The following KIZ variants were observed in gnomAD, a reference collection of about 807,000 sequenced individuals.
KIZ encodes kizuna centrosomal protein, also known as centrosomal protein kizuna.
In KIZ, 68 loss-of-function variants were observed where a neutral mutation model predicts 79.6. That is an observed-to-expected ratio of 0.85 (90% CI 0.70 to 1.05). The LOEUF is 1.05. Ranked by LOEUF, KIZ falls within the 50% of genes least tolerant of loss-of-function variation. KIZ has a pLI of 0.00. For missense variants in KIZ, 797 were observed against 800.4 expected, an observed-to-expected ratio of 1.00 and a Z score of 0.05; for synonymous variants, 280 against 281.8, an observed-to-expected ratio of 0.99 and a Z score of 0.06.
At chr20:21,181,333 C>T (rs1048643863) in intron 6 of KIZ, among the ~76,000 whole-genome samples, 5 of 152,322 alleles carry the variant, frequency 3.3e-5, no homozygotes, top group Middle Eastern at 3.4e-3. Context: ...CTATTGTTAA[C>T]TCAGATTTTT....
chr20:21,236,954 TG>T (rs2037027529), intron 11 of KIZ, among the ~76,000 whole-genome samples: 1 of 146,108 alleles, frequency 6.8e-6, no homozygotes. Flanking sequence ...GAGCTGAAAT[TG>T]CACCAATGCA....
intron 9 of KIZ, 80 bp from the exon 10 acceptor site, chr20:21,228,931 A>C (rs1484681698): frequency 4.1e-5 from 27 of 660,890 alleles, no homozygotes; most frequent in Non-Finnish European, 5.9e-5. Context: ...AAGAAGTGTT[A>C]ATCTCATAGG....
intron 11 of KIZ, among the ~76,000 whole-genome samples, chr20:21,236,476 G>A (rs2037010887): frequency 6.6e-6 from 1 of 152,156 alleles, no homozygotes; most frequent in South Asian, 2.1e-4. Context: ...TAAAGACTAT[G>A]TCTTATAATA....
intron 6 of KIZ, chr20:21,194,658 AG>A (rs1186017855): frequency 6.6e-6 from 1 of 152,142 alleles, no homozygotes; most frequent in African/African-American, 2.4e-5. Context: ...CCCAGTACCA[AG>A]GGGGAAACCC....
intron 9 of KIZ, among the ~76,000 whole-genome samples, chr20:21,219,213 C>T (rs961433372): frequency 6.6e-6 from 1 of 151,750 alleles, no homozygotes; most frequent in Non-Finnish European, 1.5e-5. Context: ...AATTATAGAG[C>T]GTAGCTCAGT....
At position 21,162,379 on chromosome 20, in the gene KIZ, C is replaced by A. The variant is rs200799486; in HGVS notation, c.914C>A (p.Thr305Lys). 585 of 1,613,718 alleles carry A rather than the reference C, an allele frequency of 3.6e-4. 5 individuals are homozygous for A. The highest frequency in any genetic ancestry group is 1.2e-4 in the Admixed American group (7 of 59,990). Residue 305 changes from threonine (T) to lysine (K), a missense_variant, in exon 5 of 13, where the codon ACA (threonine) becomes AAA (lysine). Physicochemically the swap from Thr to Lys is moderately conservative, Grantham distance 78. Transcript: ENST00000619189. ...AGCGGATCAGAGGGAGAAATACTGA[C>A]ACGGGAACATATTGAAGTTGAGGAA... ...SSSGSEGEIL[T>K]REHIEVEEKR...
chr20:21,129,319 G>T (rs746232943), intron 1 of KIZ, among the ~76,000 whole-genome samples: 2 of 152,192 alleles, frequency 1.3e-5, no homozygotes, highest in African/African-American at 4.8e-5. Context: ...TGCATCTGCT[G>T]AAGATGTTTT....
intron 12 of KIZ, chr20:21,245,377 G>C (rs554952561): frequency 6.6e-6 from 1 of 152,284 alleles, no homozygotes; most frequent in African/African-American, 2.4e-5. Context: ...TGACTTGGAT[G>C]GGACTCCCAG....
At chr20:21,179,771 T>C (rs1048985641) in intron 6 of KIZ, among the ~76,000 whole-genome samples, 1 of 152,226 alleles carries the variant, frequency 6.6e-6, no homozygotes. Context: ...TATTTTTGTT[T>C]TCATTTGTCT....
intron 9 of KIZ, among the ~76,000 whole-genome samples, chr20:21,220,902 A>G (rs187308249): frequency 8.4e-4 from 128 of 152,374 alleles, no homozygotes; most frequent in Non-Finnish European, 1.6e-3. Context: ...GCAATGATAA[A>G]CAAAGCTTGC....
intron 11 of KIZ, among the ~76,000 whole-genome samples, chr20:21,239,665 G>A (rs968721113): frequency 3.3e-5 from 5 of 152,126 alleles, no homozygotes; most frequent in Admixed American, 2.6e-4. Flanking sequence ...TTCTAGCTAC[G>A]TTAGCCTTTT....
chr20:21,232,437 A>T (rs1449234921), intron 10 of KIZ, among the ~76,000 whole-genome samples: 1 of 152,224 alleles, frequency 6.6e-6, no homozygotes, highest in Non-Finnish European at 1.5e-5. Context: ...GACACAGTAG[A>T]GATCCATATG....
intron 4 of KIZ, among the ~76,000 whole-genome samples, chr20:21,155,963 CT>C (rs2122613654): frequency 6.6e-6 from 1 of 152,304 alleles, no homozygotes; most frequent in South Asian, 2.1e-4. Flanking sequence ...ATGGTTAGGA[CT>C]TTTGATGCCA....
intron 3 of KIZ, among the ~76,000 whole-genome samples, chr20:21,143,500 C>G (rs767785929): frequency 3.4e-4 from 52 of 152,286 alleles, no homozygotes; most frequent in Non-Finnish European, 6.9e-4. Flanking sequence ...CTCCATCAAT[C>G]CTCCATCAAT....
At chr20:21,146,298 T>C (rs1014339550) in intron 4 of KIZ, among the ~76,000 whole-genome samples, 3 of 150,658 alleles carry the variant, frequency 2.0e-5, no homozygotes, top group Non-Finnish European at 4.4e-5. Flanking sequence ...CTTGTGACTA[T>C]GTGTGAAACC....
intron 6 of KIZ, among the ~76,000 whole-genome samples, chr20:21,178,171 A>G (rs2034512918): frequency 6.6e-6 from 1 of 152,054 alleles, no homozygotes. Context: ...CTTTGGTAGT[A>G]TGGACACTTT....
chr20:21,148,169 G>A (rs2032945299), intron 4 of KIZ, among the ~76,000 whole-genome samples: 1 of 152,056 alleles, frequency 6.6e-6, no homozygotes, highest in Non-Finnish European at 1.5e-5. Context: ...ACCTGTATTG[G>A]GGATGGCCAT....
chr20:21,228,984 A>C (rs1200707246), intron 9 of KIZ, 27 bp from the exon 10 acceptor site: 1 of 1,313,072 alleles, frequency 7.6e-7, no homozygotes, highest in East Asian at 2.3e-5. Context: ...AAAATGTAAT[A>C]TTTCTGTGTT....
chr20:21,132,001 C>T, intron 1 of KIZ, 96 bp from the exon 2 acceptor site: 1 of 652,998 alleles, frequency 1.5e-6, no homozygotes, highest in Non-Finnish European at 2.7e-6. Flanking sequence ...TAATCAACAC[C>T]TTGCAACAAA....
Sources: allele counts gnomAD v4.1 joint callset (sites outside exome capture counted in the v4.1 genomes callset), GRCh38; gene constraint gnomAD v4.1.1; transcripts MANE v1.5; gene names NCBI Gene and HGNC (gene_info 2026-07-23, HGNC 2026-07-21).